Variants in CAPN5 observed in about 807,000 individuals in gnomAD.
CAPN5 encodes the protein calpain 5, also known as calpain-5.
CAPN5 carries 54 observed loss-of-function variants against 73.0 expected under a neutral mutation model. The observed-to-expected ratio is 0.74, with a 90% CI of 0.59 to 0.93. CAPN5 has a LOEUF of 0.93. Ranked by LOEUF, CAPN5 falls within the 40% of genes least tolerant of loss-of-function variation. The probability of loss-of-function intolerance (pLI) is 0.00; values close to 1 mark genes in which losing one functional copy is unlikely to be tolerated. For missense variants in CAPN5, 785 were observed against 882.9 expected (o/e 0.89, Z 1.41); for synonymous variants, 335 against 356.9 (o/e 0.94, Z 0.69).
chr11:77,117,296 A>G (rs1426875793), intron 7 of CAPN5, among the ~76,000 whole-genome samples: 2 of 152,226 alleles, frequency 1.3e-5, no homozygotes, highest in African/African-American at 2.4e-5. Flanking sequence ...TCCAGCCTGC[A>G]TGAGTCCTGA....
Position 77,093,663 on chromosome 11 carries a change from C to G in CAPN5, c.166-19C>G. The G allele has an allele frequency of 6.4e-7, 1 of 1,562,930 alleles. No individual in the cohort carries two copies. The highest frequency in any genetic ancestry group is 1.4e-5 in the African/African-American group (1 of 74,026). On this transcript the variant is annotated intron_variant, in intron 2 of 12. Transcript: ENST00000648180. The stretch of plus-strand genomic sequence containing the variant: ...CATGCTCCTCCGCCCCTCACGCTCT[C>G]TCCTCGCCTTCTCCGCAGGGCATCT...
At chr11:77,077,591 G>A (rs1949985215) in intron 1 of CAPN5, among the ~76,000 whole-genome samples, 1 of 151,130 alleles carries the variant, frequency 6.6e-6, no homozygotes, top group Non-Finnish European at 1.5e-5. Flanking sequence ...GTGCGGTGGC[G>A]CGATCTCGGC....
At chr11:77,080,639 G>C (rs781924139) in intron 1 of CAPN5, among the ~76,000 whole-genome samples, 11 of 152,184 alleles carry the variant, frequency 7.2e-5, no homozygotes, top group African/African-American at 2.4e-5. Flanking sequence ...GCAGGTCCAG[G>C]GAACAGCAGA....
At chr11:77,112,171 A>T (rs1044730971) in intron 3 of CAPN5, among the ~76,000 whole-genome samples, 5 of 152,108 alleles carry the variant, frequency 3.3e-5, no homozygotes, top group Non-Finnish European at 5.9e-5. Context: ...GGAGGCGCTC[A>T]GATTGGGCTG....
At chr11:77,078,874 A>G (rs1332075406) in intron 1 of CAPN5, among the ~76,000 whole-genome samples, 1 of 151,854 alleles carries the variant, frequency 6.6e-6, no homozygotes, top group Non-Finnish European at 1.5e-5. Context: ...GACTCTTTTG[A>G]GTAGTGTGTT....
chr11:77,084,598 C>T (rs1216037539), intron 1 of CAPN5, among the ~76,000 whole-genome samples: 1 of 151,996 alleles, frequency 6.6e-6, no homozygotes, highest in African/African-American at 2.4e-5. Flanking sequence ...CGGTGTGGGC[C>T]AGGCCTGAGC....
intron 3 of CAPN5, among the ~76,000 whole-genome samples, chr11:77,095,751 C>T (rs1408606371): frequency 6.6e-6 from 1 of 152,218 alleles, no homozygotes; most frequent in Non-Finnish European, 1.5e-5. Flanking sequence ...GGTGCAGCTC[C>T]ACCTCTCAAC....
At chr11:77,105,060 A>G (rs1449918487) in intron 3 of CAPN5, among the ~76,000 whole-genome samples, 4 of 151,742 alleles carry the variant, frequency 2.6e-5, no homozygotes, top group Non-Finnish European at 4.4e-5. Context: ...AACCGTGTGC[A>G]GTGGCCCTGC....
chr11:77,092,998 G>A (rs533544075), intron 2 of CAPN5, among the ~76,000 whole-genome samples: 16 of 152,226 alleles, frequency 1.1e-4, no homozygotes, highest in Middle Eastern at 3.4e-3. Context: ...AAGAAAAAAG[G>A]AAAAAAAGGA....
At chr11:77,100,452 G>T (rs1950272846) in intron 3 of CAPN5, among the ~76,000 whole-genome samples, 1 of 151,196 alleles carries the variant, frequency 6.6e-6, no homozygotes, top group Admixed American at 6.6e-5. Context: ...TCAAGCTCCC[G>T]TCACAACTGC....
chr11:77,118,706 G>A (rs2135484552), intron 8 of CAPN5, among the ~76,000 whole-genome samples: 1 of 152,342 alleles, frequency 6.6e-6, no homozygotes, highest in South Asian at 2.1e-4. Flanking sequence ...GCTGGGCTGG[G>A]CTTCCCCACG....
chr11:77,074,421 C>CTGATGTGCCCT (rs1162115638), intron 1 of CAPN5, among the ~76,000 whole-genome samples: 18 of 152,182 alleles, frequency 1.2e-4, no homozygotes, highest in African/African-American at 4.1e-4. Flanking sequence ...ACATTGTACC[C>CTGATGTGCCCT]TGCTGTGCCC....
chr11:77,117,021 T>G (rs12420408), intron 7 of CAPN5, among the ~76,000 whole-genome samples: 26,854 of 151,968 alleles, frequency 0.18, 2,366 homozygotes, highest in Middle Eastern at 0.28. Flanking sequence ...AAGGATTGCT[T>G]GAGTCCAGGA....
At chr11:77,082,187 G>T (rs1555034707) in intron 1 of CAPN5, among the ~76,000 whole-genome samples, 1 of 152,060 alleles carries the variant, frequency 6.6e-6, no homozygotes, top group Non-Finnish European at 1.5e-5. Context: ...TGTGGGAGCT[G>T]CGAGGAGCTC....
intron 1 of CAPN5, among the ~76,000 whole-genome samples, chr11:77,074,693 G>A (rs1555033669): frequency 6.6e-6 from 1 of 152,204 alleles, no homozygotes. Context: ...AAGGGAGGTA[G>A]GGGAAAGGGG....
At position 77,119,329 on chromosome 11, in the gene CAPN5, G is replaced by T. The variant is rs1218809839; in HGVS notation, c.1290+177G>T. 6.1e-6 allele frequency: 4 copies of T among 657,604 alleles called. No homozygotes were observed. The East Asian group carries it at 8.3e-5, about 14-fold the overall frequency. The allele number at this position is 657,604 out of a possible 1,614,324, so 40.7% of individuals were successfully genotyped here. A position where few individuals can be genotyped will look rare whatever the true frequency, so the allele number is the denominator to read the frequency against. ...GGCCCCACTTGAATATTCACAGAGGGCCCAGCCTGCCCAGCCTTGGCTTCT... is the reference window on the plus strand; with the variant it reads ...GGCCCCACTTGAATATTCACAGAGGTCCCAGCCTGCCCAGCCTTGGCTTCT... On this transcript the variant is annotated intron_variant, in intron 9 of 12. Coordinates refer to ENST00000648180, the MANE Select transcript of CAPN5 (RefSeq NM_004055.5).
intron 1 of CAPN5, among the ~76,000 whole-genome samples, chr11:77,070,263 C>A (rs1555032806): frequency 6.6e-6 from 1 of 152,182 alleles, no homozygotes; most frequent in African/African-American, 2.4e-5. Context: ...GGCTGGTGAC[C>A]AGAGCACATC....
intron 3 of CAPN5, among the ~76,000 whole-genome samples, chr11:77,099,494 A>G (rs1591130217): frequency 6.6e-6 from 1 of 150,618 alleles, no homozygotes; most frequent in Non-Finnish European, 1.5e-5. Context: ...TCGGGAGGCC[A>G]AGGCTGGCGG....
chr11:77,103,002 C>T, intron 3 of CAPN5: 1 of 1,613,592 alleles, frequency 6.2e-7, no homozygotes, highest in Non-Finnish European at 8.5e-7. Context: ...TGTGTACCGC[C>T]TCAACTTCAC....
Sources: allele counts gnomAD v4.1 joint callset (sites outside exome capture counted in the v4.1 genomes callset), GRCh38; gene constraint gnomAD v4.1.1; transcripts MANE v1.5; gene names NCBI Gene and HGNC (gene_info 2026-07-23, HGNC 2026-07-21).